The following KPNA7 variants were observed in gnomAD, a reference collection of about 807,000 sequenced individuals.
KPNA7 encodes karyopherin subunit alpha 7.
KPNA7 carries 54 observed loss-of-function variants against 53.7 expected under a neutral mutation model. The ratio of observed to expected loss-of-function variants is 1.01; its 90% confidence interval spans 0.81 to 1.26. KPNA7 has a LOEUF of 1.26. Among genes scored for constraint, KPNA7 ranks in the 50% most tolerant of loss-of-function variants. The pLI, the probability that KPNA7 is intolerant of heterozygous loss-of-function variation, is 0.00. For missense variants in KPNA7, 640 were observed against 644.5 expected, an observed-to-expected ratio of 0.99 and a Z score of 0.07; for synonymous variants, 276 against 259.3, an observed-to-expected ratio of 1.06 and a Z score of -0.62.
chr7:99,179,212 G>T (rs1390473922), intron 9 of KPNA7, among the ~76,000 whole-genome samples: 1 of 152,102 alleles, frequency 6.6e-6, no homozygotes, highest in Non-Finnish European at 1.5e-5. Flanking sequence ...TCTAAAAGGA[G>T]CTCCTTGGTG....
intron 3 of KPNA7, among the ~76,000 whole-genome samples, chr7:99,200,892 C>T (rs556081363): frequency 1.1e-4 from 16 of 151,972 alleles, no homozygotes; most frequent in Non-Finnish European, 1.9e-4. Context: ...GGCTTGATCC[C>T]GGGAGACAAA....
Position 99,195,219 on chromosome 7 carries a change from G to A in KPNA7, c.404C>T (p.Ala135Val). The A allele has an allele frequency of 6.4e-7, 1 of 1,551,662 alleles. No individual in the cohort carries two copies. The highest frequency in any genetic ancestry group is 1.2e-5 in the South Asian group (1 of 84,062). Residue 135 changes from alanine (A) to valine (V), a missense_variant, in exon 5 of 11, where the codon GCC becomes GTC. Coordinates refer to ENST00000327442, the MANE Select transcript of KPNA7 (RefSeq NM_001145715.3). ...TGAAGCGATGTTGGTCAGGGCCCAG[G>A]CAGCCTCAAACTGCAAGCAGGGGTA... ...SLYPCLQFEA[A>V]WALTNIASGT...
At chr7:99,199,002 A>G (rs1290143212) in intron 3 of KPNA7, among the ~76,000 whole-genome samples, 2 of 151,702 alleles carry the variant, frequency 1.3e-5, no homozygotes, top group Non-Finnish European at 2.9e-5. Context: ...TACAACATAA[A>G]AAGAATAAAA....
chr7:99,163,384 T>TATATATATATATATATATATATATA, the KPNA7 span, among the ~76,000 whole-genome samples: 1 of 42,270 alleles, frequency 2.4e-5, no homozygotes, highest in Non-Finnish European at 4.3e-5. Context: ...TATATATATA[T>TATATATATATATATATATATATATA]TTTTTTTTTT....
intron 1 of KPNA7, among the ~76,000 whole-genome samples, chr7:99,213,492 G>A (rs543401369): frequency 2.9e-4 from 42 of 145,434 alleles, no homozygotes; most frequent in African/African-American, 1.0e-3. Flanking sequence ...TGCCCAGGCT[G>A]AAGTGCAGCG....
chr7:99,170,214 C>T (rs1798747097), downstream of KPNA7, among the ~76,000 whole-genome samples: 1 of 152,096 alleles, frequency 6.6e-6, no homozygotes, highest in South Asian at 2.1e-4. Context: ...TTGCCATAGG[C>T]ACACCAAACT....
At chr7:99,161,250 T>A in the KPNA7 span, among the ~76,000 whole-genome samples, 1 of 33,042 alleles carries the variant, frequency 3.0e-5, no homozygotes, top group Non-Finnish European at 1.1e-4. Context: ...TCTCTCTCTC[T>A]CTCTCTCTCT....
intron 9 of KPNA7, among the ~76,000 whole-genome samples, chr7:99,180,596 TCCGTCTCTGTCTCTCTCC>T (rs2150708480): frequency 1.4e-5 from 2 of 145,744 alleles, no homozygotes; most frequent in Admixed American, 6.8e-5. Context: ...TCTCCGTCTC[TCCGTCTCTGTCTCTCTCC>T]CCATCTCTCT....
intron 1 of KPNA7, among the ~76,000 whole-genome samples, chr7:99,214,881 C>G (rs1584326915): frequency 2.0e-5 from 3 of 152,064 alleles, no homozygotes; most frequent in Admixed American, 6.6e-5. Flanking sequence ...AATACCTGCT[C>G]TAGCTGCCAC....
intron 2 of KPNA7, among the ~76,000 whole-genome samples, chr7:99,204,488 T>C (rs1790696807): frequency 6.6e-6 from 1 of 152,176 alleles, no homozygotes; most frequent in Non-Finnish European, 1.5e-5. Context: ...TCTAAATAGC[T>C]GAGTTTGGGC....
At chr7:99,213,540 C>A (rs541632474) in intron 1 of KPNA7, among the ~76,000 whole-genome samples, 1 of 151,358 alleles carries the variant, frequency 6.6e-6, no homozygotes, top group East Asian at 2.0e-4. Context: ...ACCTCCTGGG[C>A]TCAAATGATC....
chr7:99,167,019 T>C, the KPNA7 span, among the ~76,000 whole-genome samples: 2 of 152,220 alleles, frequency 1.3e-5, no homozygotes, highest in East Asian at 3.8e-4. Flanking sequence ...ATGTCACATG[T>C]GTTTGGGAGA....
the KPNA7 span, among the ~76,000 whole-genome samples, chr7:99,154,364 A>G: frequency 6.6e-6 from 1 of 152,138 alleles, no homozygotes. Context: ...CTTGACCTCA[A>G]GCAATCCGCC....
At chr7:99,207,581 C>A in intron 1 of KPNA7, 92 bp from the exon 2 acceptor site, 4 of 419,964 alleles carry the variant, frequency 9.5e-6, no homozygotes, top group South Asian at 1.8e-5. Flanking sequence ...AAAGGGCTCA[C>A]AGTGGAGCAA....
chr7:99,193,763 G>A (rs975799234), intron 5 of KPNA7, among the ~76,000 whole-genome samples: 16 of 151,428 alleles, frequency 1.1e-4, no homozygotes, highest in African/African-American at 2.2e-4. Context: ...CTGCAGCCTC[G>A]ACCTCCAGAA....
the KPNA7 span, among the ~76,000 whole-genome samples, chr7:99,161,268 T>TCTCTCTCTCTCTCCCC: frequency 4.8e-4 from 59 of 123,070 alleles, 1 homozygote; most frequent in African/African-American, 1.8e-3. Flanking sequence ...TCTCTCTCTC[T>TCTCTCTCTCTCTCCCC]CTGATCACTT....
At chr7:99,156,223 TATG>T in the KPNA7 span, among the ~76,000 whole-genome samples, 54 of 152,278 alleles carry the variant, frequency 3.5e-4, no homozygotes, top group Admixed American at 5.9e-4. Context: ...TATCTGAAAA[TATG>T]ATGTCTTATA....
upstream of KPNA7, among the ~76,000 whole-genome samples, chr7:99,210,216 C>T (rs2395020): frequency 0.96 from 146,565 of 152,218 alleles, 70,809 homozygotes; most frequent in East Asian, 1. Flanking sequence ...TCATTGTACT[C>T]GGGCCTTTGA....
At chr7:99,213,630 A>C (rs1487755058) in intron 1 of KPNA7, among the ~76,000 whole-genome samples, 1 of 151,862 alleles carries the variant, frequency 6.6e-6, no homozygotes, top group African/African-American at 2.4e-5. Context: ...TTTTTTGTAG[A>C]GATGGGGTCT....
Sources: allele counts gnomAD v4.1 joint callset (sites outside exome capture counted in the v4.1 genomes callset), GRCh38; gene constraint gnomAD v4.1.1; transcripts MANE v1.5; gene names NCBI Gene and HGNC (gene_info 2026-07-23, HGNC 2026-07-21).